DHX34: variants seen among roughly 807,000 people sequenced by gnomAD.
DHX34 encodes the protein DExH-box helicase 34.
A neutral mutation model predicts 111.1 loss-of-function variants in DHX34; 96 were observed. That is an observed-to-expected ratio of 0.86 (90% confidence interval 0.73 to 1.02). The LOEUF is 1.02. Among genes scored for constraint, DHX34 ranks in the 50% least tolerant of loss-of-function variants. The pLI is 0.00. For missense variants in DHX34, 1,560 were observed against 1,579.9 expected (o/e 0.99, Z 0.21); for synonymous variants, 688 against 670.4 (o/e 1.03, Z -0.41).
At chr19:47,373,024 G>C in intron 8 of DHX34, 101 bp downstream of exon 8, 1 of 1,400,492 alleles carries the variant, frequency 7.1e-7, no homozygotes, top group Non-Finnish European at 9.4e-7. Flanking sequence ...GCCCCACCCT[G>C]GGAGGACCAC....
At position 47,381,287 on chromosome 19, in the gene DHX34, G is replaced by C; in HGVS notation, c.3261G>C (p.Glu1087Asp). The change falls in exon 16 of 17, where the codon GAG becomes GAC. Residue 1087 changes from glutamate to aspartate, a missense_variant. Transcript: ENST00000328771. Reference sequence around the variant, plus strand: ...CGCCCCTGGAGCGCATCGCCCATGAGAACACCTGCCCCCAGGCCCCACAGG... The same window carrying C: ...CGCCCCTGGAGCGCATCGCCCATGACAACACCTGCCCCCAGGCCCCACAGG... ...PLTPLERIAH[E>D]NTCPQAPQDG... The C allele has an allele frequency of 1.2e-6, 2 of 1,613,970 alleles. No homozygotes were observed. The highest frequency in any genetic ancestry group is 2.2e-5 in the East Asian group (1 of 44,876).
intron 12 of DHX34, 134 bp downstream of exon 12, chr19:47,376,694 A>G: frequency 6.9e-7 from 1 of 1,449,960 alleles, no homozygotes; most frequent in Non-Finnish European, 9.2e-7. Context: ...CAGGAGGGGA[A>G]GTTCCAGGGC....
chr19:47,367,398 T>C (rs978051149), intron 7 of DHX34, among the ~76,000 whole-genome samples: 1 of 152,048 alleles, frequency 6.6e-6, no homozygotes, highest in Non-Finnish European at 1.5e-5. Context: ...ATTAGGACAA[T>C]AAGGAAAAGG....
rs934662532 is a variant in DHX34, at chr19:47,382,004, C to G, written c.3323C>G (p.Thr1108Ser). 1 of 1,614,110 alleles carries G rather than the reference C, an allele frequency of 6.2e-7. No homozygotes were observed. The highest frequency in any genetic ancestry group is 2.2e-5 in the East Asian group (1 of 44,878). ...GGGGCTGAGGAAGCTGCCCTCGAAA[C>G]CCTCCAGAAGACATCTGTCCTGCAG... is the stretch of plus-strand genomic sequence containing the variant. ...PPGAEEAALETLQKTSVLQRP... is the reference protein window; with the variant it reads ...PPGAEEAALESLQKTSVLQRP... Residue 1108 changes from threonine to serine, a missense_variant, in exon 17 of 17, where the codon ACC becomes AGC. By Grantham distance (58) the Thr-to-Ser change is moderately conservative. Transcript: ENST00000328771.
Position 47,359,957 on chromosome 19 carries a change from C to G in DHX34, c.1273-11C>G. 6.2e-7 allele frequency: 1 copy of G among 1,614,024 alleles called. No homozygotes were observed. Among genetic ancestry groups the G allele is most frequent in the South Asian group, 1.1e-5 (1 of 91,076 alleles). ...GTTAGTTCCTGACACCACCCCCTCC[C>G]TTCCTCCCAGGTATTTGATGTGGCA... is the stretch of plus-strand genomic sequence containing the variant. On this transcript the variant is annotated splice_polypyrimidine_tract_variant and intron_variant, in intron 4 of 16. Coordinates refer to ENST00000328771, the MANE Select transcript of DHX34 (RefSeq NM_014681.6).
chr19:47,373,645 G>GC lies in DHX34; in HGVS notation c.2009_2010insC (p.Ile672HisfsTer80). 6.2e-7 allele frequency: 1 copy of GC among 1,614,044 alleles called. No individual in the cohort carries two copies. Among genetic ancestry groups the GC allele is most frequent in the Non-Finnish European group, 8.5e-7 (1 of 1,179,990 alleles). On this transcript the variant is annotated frameshift_variant, in exon 9 of 17. Transcript: ENST00000328771. LOFTEE classifies it high-confidence loss of function. Reference sequence around the variant, plus strand: ...AACTCTCGCAAGTGGTGCCGCCGCCGGGGCATAGAGGAGCATCGACTGTAC... The same window carrying GC: ...AACTCTCGCAAGTGGTGCCGCCGCCGCGGGCATAGAGGAGCATCGACTGTAC...
chr19:47,380,973 T>C lies in DHX34; in HGVS notation c.3140T>C (p.Leu1047Pro). Residue 1047 changes from leucine (L) to proline (P), a missense_variant, in exon 15 of 17, where the codon CTC becomes CCC. Physicochemically the swap from Leu to Pro is moderately conservative, Grantham distance 98. Transcript: ENST00000328771. ...TKGGYAVTDFLTYNCLTNDTD... is the reference protein window; with the variant it reads ...TKGGYAVTDFPTYNCLTNDTD... ...GGGGGCTACGCAGTCACTGACTTCCTCACCTACAACTGCCTCACGGTAAGC... is the reference window on the plus strand; with the variant it reads ...GGGGGCTACGCAGTCACTGACTTCCCCACCTACAACTGCCTCACGGTAAGC... The C allele has an allele frequency of 6.3e-7, 1 of 1,587,524 alleles. No homozygotes were observed. Among genetic ancestry groups the C allele is most frequent in the Non-Finnish European group, 8.6e-7 (1 of 1,168,228 alleles).
chr19:47,367,677 C>T (rs1969833224), intron 7 of DHX34, among the ~76,000 whole-genome samples: 2 of 152,224 alleles, frequency 1.3e-5, no homozygotes, highest in Middle Eastern at 6.8e-3. Flanking sequence ...ATCACGAGGT[C>T]AGCAGTTCGA....
rs778459059 is a variant in DHX34 at position 47,353,013 on chromosome 19, C to T, written c.-18C>T. On this transcript the variant is annotated 5_prime_UTR_variant, in exon 2 of 17. Transcript: ENST00000328771. The surrounding 1 kb of genome is among the most constrained non-coding windows in gnomAD (Gnocchi z 4.6). ...TTTTGGGTGATCAGAACTGAGACTC[C>T]TATTGTGGATTAGTAACATGCCTCC... is the stretch of plus-strand genomic sequence containing the variant. 1.9e-6 allele frequency: 3 copies of T among 1,602,654 alleles called. No individual in the cohort carries two copies. The highest frequency in any genetic ancestry group is 2.2e-5 in the South Asian group (2 of 90,588).
chr19:47,373,212 TC>T (rs1186881806), intron 8 of DHX34, among the ~76,000 whole-genome samples: 1 of 152,138 alleles, frequency 6.6e-6, no homozygotes, highest in African/African-American at 2.4e-5. Flanking sequence ...CATCTGGAGA[TC>T]CAGTATATGT....
Position 47,382,077 on chromosome 19 carries a change from C to T in DHX34, c.3396C>T (p.Pro1132=). 1.2e-6 allele frequency: 2 copies of T among 1,614,072 alleles called. No individual in the cohort carries two copies. The highest frequency in any genetic ancestry group is 1.7e-6 in the Non-Finnish European group (2 of 1,179,998). Residue 1132 remains proline, a synonymous_variant, in exon 17 of 17, where the codon CCC becomes CCT. Coordinates refer to ENST00000328771, the MANE Select transcript of DHX34 (RefSeq NM_014681.6). ...GCGGGAAGGACTTCCTCTTTACACCCACAGAGGTGCTGCGCCACCGGAAGC... is the reference window on the plus strand; with the variant it reads ...GCGGGAAGGACTTCCTCTTTACACCTACAGAGGTGCTGCGCCACCGGAAGC... The part of the protein sequence containing the change: ...EACGKDFLFT[P]TEVLRHRKQH...
chr19:47,381,883 G>A (rs1970371592), intron 16 of DHX34, 97 bp from the exon 17 acceptor site: 7 of 1,576,084 alleles, frequency 4.4e-6, no homozygotes, highest in Non-Finnish European at 6.0e-6. Flanking sequence ...CAAAGGCCAG[G>A]AGAGAACCTG....
rs994069319 is a variant in DHX34, at chr19:47,353,827, C to G, written c.705+92C>G. On this transcript the variant is annotated intron_variant, in intron 2 of 16. Coordinates refer to ENST00000328771, the MANE Select transcript of DHX34 (RefSeq NM_014681.6). The surrounding 1 kb of genome is among the most constrained non-coding windows in gnomAD (Gnocchi z 4.6). The stretch of plus-strand genomic sequence containing the variant: ...TATGGCAGTATCAATAAAAATGAAG[C>G]ACTTACCCTTGGACCCAGCGATGAT... The G allele has an allele frequency of 2.5e-6, 3 of 1,221,842 alleles. No individual in the cohort carries two copies. The highest frequency in any genetic ancestry group is 5.7e-5 in the Admixed American group (2 of 35,392). The allele number at this position is 1,221,842 out of a possible 1,614,324, so 75.7% of individuals were successfully genotyped here.
chr19:47,363,126 A>AT lies in DHX34; in HGVS notation c.1593+442dup, dbSNP rs530546735. On this transcript the variant is annotated intron_variant, in intron 6 of 16. Transcript: ENST00000328771. ...CCACCAAGCCCAGTTAATTTTTTGTATTTTTTTTTAGTAGAGATGGGGTTA... is the reference window on the plus strand; with the variant it reads ...CCACCAAGCCCAGTTAATTTTTTGTATTTTTTTTTTAGTAGAGATGGGGTTA... 4.9e-3 allele frequency among the ~76,000 whole-genome samples: 731 copies of AT among 149,826 alleles called. 7 individuals carry two copies. Among genetic ancestry groups the AT allele is most frequent in the African/African-American group, 0.016 (673 of 40,840 alleles).
intron 6 of DHX34, among the ~76,000 whole-genome samples, chr19:47,363,810 TC>T (rs1165985586): frequency 1.1e-5 from 1 of 93,386 alleles, no homozygotes; most frequent in Admixed American, 1.4e-4. Flanking sequence ...AGAACAAGAC[TC>T]CATCTCAAAA....
rs745571952 is a variant in DHX34, at chr19:47,353,016, T to C, written c.-15T>C. 1 of 1,603,666 alleles carries C rather than the reference T, an allele frequency of 6.2e-7. No homozygotes were observed. Among genetic ancestry groups the C allele is most frequent in the South Asian group, 1.1e-5 (1 of 90,720 alleles). ...TGGGTGATCAGAACTGAGACTCCTATTGTGGATTAGTAACATGCCTCCTCC... is the reference window on the plus strand; with the variant it reads ...TGGGTGATCAGAACTGAGACTCCTACTGTGGATTAGTAACATGCCTCCTCC... On this transcript the variant is annotated 5_prime_UTR_variant, in exon 2 of 17. Transcript: ENST00000328771. This position sits in a 1 kb window ranked among gnomAD's most constrained non-coding sequence, Gnocchi z 4.6.
At chr19:47,355,981 C>T (rs1467390557) in intron 3 of DHX34, among the ~76,000 whole-genome samples, 1 of 152,202 alleles carries the variant, frequency 6.6e-6, no homozygotes, top group Non-Finnish European at 1.5e-5. Flanking sequence ...CCGGGCTCCT[C>T]CTTTGTCATT....
chr19:47,368,683 TACACACATATATATAC>T (rs1415950084), intron 7 of DHX34, among the ~76,000 whole-genome samples: 2 of 149,172 alleles, frequency 1.3e-5, no homozygotes, highest in Admixed American at 6.7e-5. Flanking sequence ...TATATATACA[TACACACATATATATAC>T]ACACACATAT....
intron 13 of DHX34, among the ~76,000 whole-genome samples, chr19:47,379,210 T>C (rs1241703303): frequency 6.6e-6 from 1 of 152,032 alleles, no homozygotes; most frequent in Admixed American, 6.6e-5. Context: ...GGCAGAACAG[T>C]ATATGGAGCC....
Sources: gnomAD v4.1 joint callset for allele counts (sites outside exome capture counted in the v4.1 genomes callset) on GRCh38, gnomAD v4.1.1 for gene constraint, Gnocchi (gnomAD v3.1) non-coding constraint, MANE v1.5 for transcripts, NCBI Gene and HGNC (gene_info 2026-07-23, HGNC 2026-07-21) for gene names.